CCDC88A: variants seen among roughly 807,000 people sequenced by gnomAD.
The protein encoded by CCDC88A is coiled-coil and HOOK domain protein 88A.
CCDC88A carries 54 observed loss-of-function variants against 234.3 expected under a neutral mutation model. That is an observed-to-expected ratio of 0.23 (90% CI 0.19 to 0.29). The LOEUF (loss-of-function observed/expected upper bound fraction) is 0.29, where lower values mean the gene tolerates loss of function less well. Ranked by LOEUF, CCDC88A falls within the 10% of genes least tolerant of loss-of-function variation. The pLI is 1.00. For synonymous variants in CCDC88A, 753 were observed against 737.8 expected (o/e 1.02, Z -0.33); for missense variants, 1,832 against 2,123.4 (o/e 0.86, Z 2.70).
At chr2:55,385,623 C>T (rs1294519317) in intron 3 of CCDC88A, among the ~76,000 whole-genome samples, 1 of 151,830 alleles carries the variant, frequency 6.6e-6, no homozygotes, top group Non-Finnish European at 1.5e-5. Context: ...AAGGCTGAGG[C>T]GCGTGGATCA....
At chr2:55,399,489 T>C (rs1678227965) in intron 2 of CCDC88A, among the ~76,000 whole-genome samples, 1 of 146,914 alleles carries the variant, frequency 6.8e-6, no homozygotes, top group Non-Finnish European at 1.5e-5. Flanking sequence ...ATTGCGCCAC[T>C]GTACTCCAGC....
rs34500780 is a variant in CCDC88A, at chr2:55,396,869, CAAAAAAAAAAAA to C, written c.165-7995_165-7984del. On this transcript the variant is annotated intron_variant, in intron 2 of 32. Transcript: ENST00000436346. ...TGGGCAACGGAGCAAGACTCCATCT[CAAAAAAAAAAAA>C]AAAAAAAAAAAGGGTTTCAGCAATG... Among the ~76,000 whole-genome samples the C allele has an allele frequency of 4.8e-3, 284 of 58,902 alleles. 2 individuals are homozygous for C. Among genetic ancestry groups the C allele is most frequent in the African/African-American group, 0.018 (277 of 15,012 alleles). The allele number at this position is 58,902 out of a possible 152,430, so 38.6% of individuals were successfully genotyped here. A position where few individuals can be genotyped will look rare whatever the true frequency, so the allele number is the denominator to read the frequency against.
chr2:55,373,335 T>A (rs183229592), intron 4 of CCDC88A, among the ~76,000 whole-genome samples: 1 of 152,290 alleles, frequency 6.6e-6, no homozygotes, highest in African/African-American at 2.4e-5. Context: ...CTACTCCCTC[T>A]GTCTGTCCTC....
intron 12 of CCDC88A, among the ~76,000 whole-genome samples, chr2:55,341,032 C>T (rs1668403451): frequency 1.3e-5 from 2 of 151,908 alleles, no homozygotes; most frequent in African/African-American, 2.4e-5. Context: ...TTTTTGATAC[C>T]ACATATAAAT....
rs1490141559 is a variant in CCDC88A, at chr2:55,388,788, A to G, written c.263T>C (p.Phe88Ser). 7.1e-7 allele frequency: 1 copy of G among 1,400,758 alleles called. No homozygotes were observed. The highest frequency in any genetic ancestry group is 9.9e-7 in the Non-Finnish European group (1 of 1,011,992). 86.8% of individuals were successfully genotyped at this position (1,400,758 alleles called of 1,614,324 possible). A position where few individuals can be genotyped will look rare whatever the true frequency, so the allele number is the denominator to read the frequency against. ...AAAAAGAGCACTTACCTGGTAATAAAATTTTATCTGTCTCACCAAAATGGA... is the reference window on the plus strand; with the variant it reads ...AAAAAGAGCACTTACCTGGTAATAAGATTTTATCTGTCTCACCAAAATGGA... Reference protein sequence around the residue: ...NLSILVRQIKFYYQETLQQLI... With the variant: ...NLSILVRQIKSYYQETLQQLI... Residue 88 changes from phenylalanine (F) to serine (S), a missense_variant, in exon 3 of 33, where the codon TTT (phenylalanine) becomes TCT (serine). Phe to Ser is a radical substitution (Grantham distance 155). This residue lies in a region of CCDC88A where 84 missense variants were observed against 80.9 expected (regional missense o/e 1.04). Transcript: ENST00000436346.
rs925241912 is a variant in CCDC88A, at chr2:55,335,396, G to A, written c.1657-232C>T. 3.3e-5 allele frequency among the ~76,000 whole-genome samples: 5 copies of A among 151,880 alleles called. No individual in the cohort carries two copies. The highest frequency in any genetic ancestry group is 1.2e-4 in the African/African-American group (5 of 41,312). The stretch of plus-strand genomic sequence containing the variant: ...AGGTCATTAAAGTTCATGTTTTTAG[G>A]AAGTTCACAGTTTAAAGGAACGGTT... On this transcript the variant is annotated intron_variant, in intron 14 of 32. Transcript: ENST00000436346. This position sits in a 1 kb window ranked among gnomAD's most constrained non-coding sequence, Gnocchi z 4.5.
intron 2 of CCDC88A, chr2:55,397,104 T>G (rs1289003089): frequency 2.0e-5 from 3 of 151,988 alleles, no homozygotes; most frequent in Admixed American, 2.0e-4. Context: ...AAAAAAATTT[T>G]TTTTGAGATG....
chr2:55,387,259 A>G (rs569739795), intron 3 of CCDC88A, among the ~76,000 whole-genome samples: 77 of 152,072 alleles, frequency 5.1e-4, no homozygotes, highest in Middle Eastern at 6.8e-3. Flanking sequence ...TAGGGTAAAG[A>G]AAAAAACCCG....
chr2:55,381,623 C>T (rs1674625232), intron 3 of CCDC88A, among the ~76,000 whole-genome samples: 1 of 149,300 alleles, frequency 6.7e-6, no homozygotes, highest in African/African-American at 2.5e-5. Context: ...TGAGTTAAAG[C>T]TTATGCTGCT....
In CCDC88A at chr2:55,309,028, C is replaced by A. The variant is rs767159905; in HGVS notation, c.4173-5G>T. ...AGAGTAATCCAGTTGCCTCTCCTAA[C>A]AGAATTTTAAAAATTGTTATCAGTT... On this transcript the variant is annotated splice_polypyrimidine_tract_variant and splice_region_variant and intron_variant, in intron 24 of 32. Coordinates refer to ENST00000436346, the MANE Select transcript of CCDC88A (RefSeq NM_001365480.1). The surrounding 1 kb of genome is among the most constrained non-coding windows in gnomAD (Gnocchi z 5.1). 9.4e-6 allele frequency: 15 copies of A among 1,601,344 alleles called. No individual in the cohort carries two copies. Among genetic ancestry groups the A allele is most frequent in the Non-Finnish European group, 1.3e-5 (15 of 1,169,520 alleles).
At chr2:55,364,294 G>A in intron 5 of CCDC88A, 1 of 255,152 alleles carries the variant, frequency 3.9e-6, no homozygotes, top group Non-Finnish European at 7.4e-6. Context: ...ACCCATCTGA[G>A]GTTAGCACAA....
rs1052832134 is a variant in CCDC88A, at chr2:55,309,353, A to T, written c.4080-99T>A. 3 of 541,346 alleles carry T rather than the reference A, an allele frequency of 5.5e-6. No individual in the cohort carries two copies. The highest frequency in any genetic ancestry group is 9.7e-6 in the Non-Finnish European group (3 of 308,354). 33.5% of individuals were successfully genotyped at this position (541,346 alleles called of 1,614,324 possible). On this transcript the variant is annotated intron_variant, in intron 23 of 32. Transcript: ENST00000436346. The surrounding 1 kb of genome is among the most constrained non-coding windows in gnomAD (Gnocchi z 5.1). The stretch of plus-strand genomic sequence containing the variant: ...CTGTGATCTAATGTCTCCCCAAAAC[A>T]TAAAAAAATACAGATACCATGGTTG...
intron 2 of CCDC88A, among the ~76,000 whole-genome samples, chr2:55,389,271 G>T (rs1414429048): frequency 1.3e-5 from 2 of 152,132 alleles, no homozygotes; most frequent in Admixed American, 1.3e-4. Context: ...TCCTCACTGG[G>T]TAATAGGGAT....
At chr2:55,372,808 A>G (rs1673035678) in intron 4 of CCDC88A, among the ~76,000 whole-genome samples, 1 of 152,218 alleles carries the variant, frequency 6.6e-6, no homozygotes, top group Non-Finnish European at 1.5e-5. Context: ...GTACTACCCC[A>G]GCCTGACAAA....
intron 2 of CCDC88A, among the ~76,000 whole-genome samples, chr2:55,393,104 G>T (rs903835756): frequency 6.6e-6 from 1 of 151,634 alleles, no homozygotes; most frequent in South Asian, 2.1e-4. Flanking sequence ...ATTAAAAACT[G>T]GCATTTCATT....
intron 18 of CCDC88A, among the ~76,000 whole-genome samples, chr2:55,320,472 C>A (rs1683484827): frequency 6.6e-6 from 1 of 152,102 alleles, no homozygotes; most frequent in East Asian, 1.9e-4. Context: ...GTCTTTATAA[C>A]CCCATTATCT....
chr2:55,347,087 TA>T (rs1301240420), intron 9 of CCDC88A, among the ~76,000 whole-genome samples: 5 of 152,156 alleles, frequency 3.3e-5, no homozygotes, highest in Non-Finnish European at 5.9e-5. Context: ...ATTACTAAAA[TA>T]AATCATTAAT....
At chr2:55,301,351 A>T in intron 27 of CCDC88A, 74 bp from the exon 28 acceptor site, 2 of 756,246 alleles carry the variant, frequency 2.6e-6, no homozygotes, top group Non-Finnish European at 4.3e-6. Flanking sequence ...ATTTACATAG[A>T]ATATGGAAAT....
At chr2:55,394,202 G>C (rs528233286) in intron 2 of CCDC88A, 10 of 152,318 alleles carry the variant, frequency 6.6e-5, no homozygotes, top group African/African-American at 2.4e-4. Context: ...CCTTGCGAGA[G>C]TTTGCTGAGA....
Sources: gnomAD v4.1 joint callset for allele counts (sites outside exome capture counted in the v4.1 genomes callset) on GRCh38, gnomAD v4.1.1 for gene constraint, gnomAD v4.1.1 regional missense constraint, Gnocchi (gnomAD v3.1) non-coding constraint, MANE v1.5 for transcripts, NCBI Gene and HGNC (gene_info 2026-07-23, HGNC 2026-07-21) for gene names.